The following SHISAL2B variants were observed in gnomAD, a reference collection of about 807,000 sequenced individuals.
The protein encoded by SHISAL2B is protein shisa-like-2B.
A neutral mutation model predicts 16.5 loss-of-function variants in SHISAL2B; 12 were observed. The observed-to-expected ratio is 0.73, with a 90% CI of 0.47 to 1.18. The LOEUF is 1.18. Among genes scored for constraint, SHISAL2B ranks in the 50% most tolerant of loss-of-function variants. The probability of loss-of-function intolerance (pLI) is 0.00; values close to 1 mark genes in which losing one functional copy is unlikely to be tolerated. For synonymous variants in SHISAL2B, 72 were observed against 75.0 expected, an observed-to-expected ratio of 0.96 and a Z score of 0.21; for missense variants, 183 against 193.6, an observed-to-expected ratio of 0.95 and a Z score of 0.33.
At chr5:64,712,976 G>A (rs1404374747) in intron 2 of SHISAL2B, among the ~76,000 whole-genome samples, 2 of 152,080 alleles carry the variant, frequency 1.3e-5, no homozygotes, top group African/African-American at 4.8e-5. Context: ...ACACTGATGG[G>A]TCTTGACTCT....
intron 2 of SHISAL2B, among the ~76,000 whole-genome samples, chr5:64,703,600 T>C (rs999476378): frequency 2.0e-5 from 3 of 152,178 alleles, no homozygotes; most frequent in Non-Finnish European, 2.9e-5. Flanking sequence ...AGTATCTCAT[T>C]GAAAATTATT....
chr5:64,710,068 T>C (rs1428860391), intron 2 of SHISAL2B, among the ~76,000 whole-genome samples: 2 of 147,662 alleles, frequency 1.4e-5, no homozygotes, highest in Admixed American at 1.4e-4. Context: ...ATTTTGGCTT[T>C]TGTTGCCATT....
intron 2 of SHISAL2B, among the ~76,000 whole-genome samples, chr5:64,700,370 A>G (rs548707747): frequency 1.1e-3 from 161 of 152,280 alleles, no homozygotes; most frequent in African/African-American, 3.7e-3. Flanking sequence ...ATAAACTGGC[A>G]TAGTATTTGC....
chr5:64,694,225 A>T (rs762433677), intron 1 of SHISAL2B: 1 of 373,888 alleles, frequency 2.7e-6, no homozygotes, highest in Non-Finnish European at 5.2e-6. Flanking sequence ...GTCAATTATT[A>T]TTTATTTACA....
intron 2 of SHISAL2B, among the ~76,000 whole-genome samples, chr5:64,697,225 G>A (rs1011140206): frequency 6.6e-6 from 1 of 152,192 alleles, no homozygotes; most frequent in South Asian, 2.1e-4. Context: ...CCAAATATTT[G>A]CATGACTCTA....
intron 1 of SHISAL2B, among the ~76,000 whole-genome samples, chr5:64,693,707 G>A (rs1741686834): frequency 6.6e-6 from 1 of 152,074 alleles, no homozygotes; most frequent in Non-Finnish European, 1.5e-5. Flanking sequence ...AGTTAGGTTT[G>A]GTGCAAACAA....
chr5:64,693,905 T>G (rs6868882), intron 1 of SHISAL2B, among the ~76,000 whole-genome samples: 10,790 of 152,224 alleles, frequency 0.071, 1,246 homozygotes, highest in African/African-American at 0.25. Flanking sequence ...TCTCTGGAAG[T>G]CGACTTCAAG....
intron 2 of SHISAL2B, among the ~76,000 whole-genome samples, chr5:64,714,500 TG>T (rs941365538): frequency 6.6e-6 from 1 of 151,548 alleles, no homozygotes; most frequent in African/African-American, 2.4e-5. Flanking sequence ...TTTGTTTGTC[TG>T]TGCCCTGCCC....
At chr5:64,698,689 C>T (rs1264901929) in intron 2 of SHISAL2B, among the ~76,000 whole-genome samples, 3 of 152,120 alleles carry the variant, frequency 2.0e-5, no homozygotes, top group African/African-American at 7.2e-5. Flanking sequence ...ATATTATATC[C>T]TTTACTTACC....
At chr5:64,709,403 T>C (rs1362393317) in intron 2 of SHISAL2B, among the ~76,000 whole-genome samples, 1 of 149,828 alleles carries the variant, frequency 6.7e-6, no homozygotes, top group East Asian at 2.0e-4. Context: ...TTCCATGGTG[T>C]ATATGTGCCA....
chr5:64,691,105 T>G, intron 1 of SHISAL2B: 51 of 317,768 alleles, frequency 1.6e-4, no homozygotes, highest in Non-Finnish European at 2.3e-4. Flanking sequence ...CCCCGCTGAG[T>G]TCCCCGCCCG....
intron 2 of SHISAL2B, among the ~76,000 whole-genome samples, chr5:64,714,744 G>A (rs148679661): frequency 0.01 from 1,547 of 152,304 alleles, 24 homozygotes; most frequent in African/African-American, 0.035. Context: ...GTCTCGTGGT[G>A]CGCTGTTTTT....
intron 2 of SHISAL2B, among the ~76,000 whole-genome samples, chr5:64,714,480 C>A (rs1184464559): frequency 1.3e-4 from 20 of 150,614 alleles, no homozygotes; most frequent in Non-Finnish European, 2.6e-4. Flanking sequence ...GCAGAGGTTA[C>A]TACTGTCTTT....
chr5:64,714,217 C>T (rs1304700971), intron 2 of SHISAL2B, among the ~76,000 whole-genome samples: 53 of 135,096 alleles, frequency 3.9e-4, no homozygotes, highest in East Asian at 1.8e-3. Context: ...GATGGGTTTT[C>T]GGTGTGGATG....
chr5:64,695,506 G>A lies in SHISAL2B; in HGVS notation c.192-1G>A, dbSNP rs1204359583. 6.5e-7 allele frequency: 1 copy of A among 1,530,660 alleles called. No homozygotes were observed. Among genetic ancestry groups the A allele is most frequent in the African/African-American group, 1.4e-5 (1 of 72,856 alleles). The allele number at this position is 1,530,660 out of a possible 1,614,324, so 94.8% of individuals were successfully genotyped here. A position where few individuals can be genotyped will look rare whatever the true frequency, so the allele number is the denominator to read the frequency against. On this transcript the variant is annotated splice_acceptor_variant, in intron 1 of 2. Coordinates refer to ENST00000389074, the MANE Select transcript of SHISAL2B (RefSeq NM_001164442.2). LOFTEE classifies it high-confidence loss of function. ...ACATATTTTTTTTCTGTTTTCCTCA[G>A]CATTGGTGCCTTGATTGGACTAGGA... is the stretch of plus-strand genomic sequence containing the variant.
chr5:64,690,794 C>T lies in SHISAL2B; in HGVS notation c.171C>T (p.His57=). The change falls in exon 1 of 3, where the codon CAC becomes CAT. Residue 57 remains histidine (H), a synonymous_variant. Coordinates refer to ENST00000389074, the MANE Select transcript of SHISAL2B (RefSeq NM_001164442.2). ...CGGGCAGCTACTTCCCCTACAAGCACAGCTACATGTGGAGCCTCAGGTGGG... is the reference window on the plus strand; with the variant it reads ...CGGGCAGCTACTTCCCCTACAAGCATAGCTACATGTGGAGCCTCAGGTGGG... ...SEPGSYFPYK[H]SYMWSLSIGA... 1.3e-6 allele frequency: 2 copies of T among 1,541,908 alleles called. No individual in the cohort carries two copies. The highest frequency in any genetic ancestry group is 1.7e-6 in the Non-Finnish European group (2 of 1,150,428).
intron 2 of SHISAL2B, among the ~76,000 whole-genome samples, chr5:64,706,326 A>G (rs557308588): frequency 1.3e-5 from 2 of 152,324 alleles, no homozygotes; most frequent in African/African-American, 4.8e-5. Context: ...GCATTTTTAC[A>G]TAAACAGTAG....
Position 64,694,245 on chromosome 5 carries a change from C to T in SHISAL2B, c.192-1262C>T, listed in dbSNP as rs762455435. On this transcript the variant is annotated intron_variant, in intron 1 of 2. Coordinates refer to ENST00000389074, the MANE Select transcript of SHISAL2B (RefSeq NM_001164442.2). ...TTATTATTTATTTACATTTATTGAA[C>T]ATTTTCTACAAGCTAAGTTCTCAAA... is the stretch of plus-strand genomic sequence containing the variant. 54 of 358,910 alleles carry T rather than the reference C, an allele frequency of 1.5e-4. 1 individual carries two copies. The highest frequency in any genetic ancestry group is 2.6e-4 in the Non-Finnish European group (48 of 183,758). The allele number at this position is 358,910 out of a possible 1,614,324, so 22.2% of individuals were successfully genotyped here. A position where few individuals can be genotyped will look rare whatever the true frequency, so the allele number is the denominator to read the frequency against.
chr5:64,701,311 G>A (rs527392579), intron 2 of SHISAL2B, among the ~76,000 whole-genome samples: 1 of 152,298 alleles, frequency 6.6e-6, no homozygotes, highest in East Asian at 1.9e-4. Flanking sequence ...AAGGGCTAGA[G>A]TAGAAAGGCC....
Sources: gnomAD v4.1 joint callset for allele counts (sites outside exome capture counted in the v4.1 genomes callset) on GRCh38, gnomAD v4.1.1 for gene constraint, MANE v1.5 for transcripts, NCBI Gene and HGNC (gene_info 2026-07-23, HGNC 2026-07-21) for gene names.